NR5A2: variants seen among roughly 807,000 people sequenced by gnomAD.
NR5A2 encodes CYP7A promoter-binding factor.
A neutral mutation model predicts 62.7 loss-of-function variants in NR5A2; 26 were observed. The observed-to-expected ratio is 0.41, with a 90% CI of 0.30 to 0.58. The LOEUF (loss-of-function observed/expected upper bound fraction) is 0.58, where lower values mean the gene tolerates loss of function less well. NR5A2 is among the 20% of genes least tolerant of loss of function. The pLI is 0.22. For synonymous variants in NR5A2, 246 were observed against 241.7 expected (o/e 1.02, Z -0.16); for missense variants, 541 against 669.1 (o/e 0.81, Z 2.11).
chr1:200,100,401 T>A (rs766332408), intron 5 of NR5A2, among the ~76,000 whole-genome samples: 2 of 152,202 alleles, frequency 1.3e-5, no homozygotes, highest in African/African-American at 2.4e-5. Flanking sequence ...ATAGGGTGTC[T>A]GTTAAGTTTT....
intron 6 of NR5A2, among the ~76,000 whole-genome samples, chr1:200,114,477 A>G (rs1458628670): frequency 6.6e-6 from 1 of 152,172 alleles, no homozygotes; most frequent in African/African-American, 2.4e-5. Flanking sequence ...GGTGTAATTT[A>G]GAATTGGAAC....
chr1:200,111,256 G>A lies in NR5A2; in HGVS notation c.1165G>A (p.Asp389Asn), dbSNP rs775644685. 7 of 1,610,828 alleles carry A rather than the reference G, an allele frequency of 4.3e-6. No homozygotes were observed. In the African/African-American group the frequency reaches 5.4e-5, roughly 12 times the overall value. ...CTGCTGGAGTGAGCTCTTAATCCTC[G>A]ACCACATTTACCGACAAGTGGTACA... is the stretch of plus-strand genomic sequence containing the variant. ...QNCWSELLIL[D>N]HIYRQVVHGK... Residue 389 changes from aspartate to asparagine, a missense_variant, in exon 6 of 8, where the codon GAC becomes AAC. This residue lies in a region of NR5A2 where 379 missense variants were observed against 442.0 expected (regional missense o/e 0.86). Transcript: ENST00000367362.
At chr1:200,165,861 G>A (rs1263941541) in intron 7 of NR5A2, among the ~76,000 whole-genome samples, 3 of 152,110 alleles carry the variant, frequency 2.0e-5, no homozygotes, top group East Asian at 1.9e-4. Flanking sequence ...CCATTTAAAC[G>A]TATACAGTTC....
chr1:200,098,131 C>T (rs573694959), intron 5 of NR5A2, among the ~76,000 whole-genome samples: 1 of 152,238 alleles, frequency 6.6e-6, no homozygotes, highest in East Asian at 1.9e-4. Flanking sequence ...ATACTCCACC[C>T]TGCCGAGCTG....
chr1:200,158,762 AGTCTTACCT>A (rs1653498044), intron 7 of NR5A2, among the ~76,000 whole-genome samples: 1 of 152,190 alleles, frequency 6.6e-6, no homozygotes, highest in African/African-American at 2.4e-5. Flanking sequence ...CAAGTTGCTG[AGTCTTACCT>A]AGTGAACCAT....
chr1:200,101,606 G>C (rs963335099), intron 5 of NR5A2, among the ~76,000 whole-genome samples: 5 of 152,140 alleles, frequency 3.3e-5, no homozygotes, highest in Non-Finnish European at 7.3e-5. Context: ...TACATGCTTT[G>C]ACTTTGAAGC....
chr1:200,134,721 A>G (rs1667138083), intron 7 of NR5A2, among the ~76,000 whole-genome samples: 2 of 152,344 alleles, frequency 1.3e-5, no homozygotes, highest in South Asian at 4.1e-4. Context: ...AGTAGTGTTA[A>G]TACTGCTAAC....
chr1:200,143,478 AG>A (rs1477771127), intron 7 of NR5A2, among the ~76,000 whole-genome samples: 1 of 150,218 alleles, frequency 6.7e-6, no homozygotes, highest in Non-Finnish European at 1.5e-5. Flanking sequence ...TTACAAAAGG[AG>A]TGGAAGTTTG....
intron 5 of NR5A2, among the ~76,000 whole-genome samples, chr1:200,074,148 C>T (rs1435150243): frequency 6.6e-6 from 1 of 152,010 alleles, no homozygotes; most frequent in African/African-American, 2.4e-5. Flanking sequence ...TATAAATAGT[C>T]TATTAGTAAT....
intron 7 of NR5A2, among the ~76,000 whole-genome samples, chr1:200,146,295 C>T (rs1667693763): frequency 6.6e-6 from 1 of 152,166 alleles, no homozygotes; most frequent in South Asian, 2.1e-4. Flanking sequence ...CTACAGCACT[C>T]CAAATATAAA....
At chr1:200,151,112 G>C (rs1454480981) in intron 7 of NR5A2, among the ~76,000 whole-genome samples, 1 of 152,126 alleles carries the variant, frequency 6.6e-6, no homozygotes, top group African/African-American at 2.4e-5. Context: ...TGGTCTCCTT[G>C]ACTGCAAACC....
chr1:200,060,167 C>T (rs151320791), intron 5 of NR5A2, among the ~76,000 whole-genome samples: 46 of 152,252 alleles, frequency 3.0e-4, no homozygotes, highest in African/African-American at 1.1e-3. Context: ...TGTCCCAATT[C>T]GCTTTTTCTT....
At chr1:200,139,507 G>GA (rs1667360666) in intron 7 of NR5A2, among the ~76,000 whole-genome samples, 1 of 152,032 alleles carries the variant, frequency 6.6e-6, no homozygotes, top group South Asian at 2.1e-4. Context: ...CTTTTTAGTA[G>GA]AAAAAAGAGA....
chr1:200,164,708 C>T (rs1047403349), intron 7 of NR5A2, among the ~76,000 whole-genome samples: 42 of 151,034 alleles, frequency 2.8e-4, no homozygotes, highest in African/African-American at 8.5e-4. Context: ...CCACCACACC[C>T]GGCTAATTTT....
At chr1:200,127,059 T>A (rs949782877) in intron 7 of NR5A2, among the ~76,000 whole-genome samples, 2 of 151,768 alleles carry the variant, frequency 1.3e-5, no homozygotes, top group African/African-American at 4.8e-5. Flanking sequence ...TCTTACAGAA[T>A]GAAGAGACCT....
rs952913235 is a variant in NR5A2 at position 200,064,103 on chromosome 1, T to C, written c.1110+15285T>C. Among the ~76,000 whole-genome samples, 37 of 150,698 alleles carry C rather than the reference T, an allele frequency of 2.5e-4. 1 individual carries two copies. The highest frequency in any genetic ancestry group is 8.6e-4 in the African/African-American group (35 of 40,908). Reference sequence around the variant, plus strand: ...GGTGGAGGTTACAGTGAGCCAAGATTGCACCATCGCGCTCCAGCCTGGGCG... The same window carrying C: ...GGTGGAGGTTACAGTGAGCCAAGATCGCACCATCGCGCTCCAGCCTGGGCG... On this transcript the variant is annotated intron_variant, in intron 5 of 7. Transcript: ENST00000367362.
intron 5 of NR5A2, among the ~76,000 whole-genome samples, chr1:200,050,150 G>T (rs913277959): frequency 3.3e-5 from 5 of 152,160 alleles, no homozygotes; most frequent in Non-Finnish European, 7.4e-5. Flanking sequence ...TTCCGAGTAT[G>T]TGTTAGGGTT....
intron 5 of NR5A2, among the ~76,000 whole-genome samples, chr1:200,079,956 G>A (rs369059602): frequency 6.6e-6 from 1 of 151,942 alleles, no homozygotes; most frequent in Admixed American, 6.6e-5. Flanking sequence ...TTAGTCATTT[G>A]GGTTTCAAAA....
In NR5A2 at chr1:200,039,570, C is replaced by T. The variant is rs1350684480; in HGVS notation, c.65-88C>T. ...GCCCCGAGGAGGCGGAGGCACGCTC[C>T]GGCGAGGCGAGAGGGTTGGGTTAGC... On this transcript the variant is annotated intron_variant, in intron 1 of 7. Transcript: ENST00000367362. The surrounding 1 kb of genome is among the most constrained non-coding windows in gnomAD (Gnocchi z 5.1). 5 of 1,578,704 alleles carry T rather than the reference C, an allele frequency of 3.2e-6. No homozygotes were observed. The highest frequency in any genetic ancestry group is 1.7e-6 in the Non-Finnish European group (2 of 1,159,534).
Sources: allele counts gnomAD v4.1 joint callset (sites outside exome capture counted in the v4.1 genomes callset), GRCh38; gene constraint gnomAD v4.1.1; regional missense constraint gnomAD v4.1.1; non-coding constraint Gnocchi (gnomAD v3.1); transcripts MANE v1.5; gene names NCBI Gene and HGNC (gene_info 2026-07-23, HGNC 2026-07-21).